The following DLG2 variants were observed in gnomAD, a reference collection of about 807,000 sequenced individuals.
DLG2 encodes the protein discs large MAGUK scaffold protein 2.
DLG2 carries 45 observed loss-of-function variants against 132.5 expected under a neutral mutation model. The ratio of observed to expected loss-of-function variants is 0.34; its 90% CI spans 0.27 to 0.44. DLG2 has a LOEUF of 0.44. Ranked by LOEUF, DLG2 falls within the 20% of genes least tolerant of loss-of-function variation. The pLI is 1.00. For synonymous variants in DLG2, 424 were observed against 419.6 expected (o/e 1.01, Z -0.13); for missense variants, 1,045 against 1,196.9 (o/e 0.87, Z 1.87).
intron 21 of DLG2, among the ~76,000 whole-genome samples, chr11:83,491,200 C>T (rs559301723): frequency 6.7e-6 from 1 of 149,634 alleles, no homozygotes; most frequent in South Asian, 2.1e-4. Flanking sequence ...AAAACAATTC[C>T]AACTCGCATG....
intron 3 of DLG2, among the ~76,000 whole-genome samples, chr11:85,371,818 C>T (rs1355236794): frequency 6.6e-6 from 1 of 152,182 alleles, no homozygotes; most frequent in East Asian, 1.9e-4. Context: ...ATCCGTGATT[C>T]CTTGTGGTAC....
chr11:84,204,687 C>T (rs562153356), intron 8 of DLG2, among the ~76,000 whole-genome samples: 1 of 152,064 alleles, frequency 6.6e-6, no homozygotes, highest in African/African-American at 2.4e-5. Flanking sequence ...CAATGCTTGC[C>T]ATTGATATAC....
chr11:83,634,343 T>C (rs1250092504), intron 18 of DLG2, among the ~76,000 whole-genome samples: 7 of 152,190 alleles, frequency 4.6e-5, no homozygotes, highest in East Asian at 1.9e-4. Flanking sequence ...AAGGTACTTA[T>C]TAACACAATG....
intron 6 of DLG2, among the ~76,000 whole-genome samples, chr11:84,600,155 A>AGAAG (rs1211290417): frequency 3.4e-5 from 3 of 87,374 alleles, no homozygotes; most frequent in South Asian, 4.2e-4. Context: ...AAAGAAAGAA[A>AGAAG]GAAGGAAAGA....
At chr11:84,492,923 T>G (rs2099169095) in intron 7 of DLG2, among the ~76,000 whole-genome samples, 1 of 152,128 alleles carries the variant, frequency 6.6e-6, no homozygotes, top group African/African-American at 2.4e-5. Flanking sequence ...GGCATGCTTA[T>G]ATAATAATAT....
At chr11:84,916,280 C>T (rs1319124629) in intron 6 of DLG2, among the ~76,000 whole-genome samples, 2 of 122,228 alleles carry the variant, frequency 1.6e-5, no homozygotes, top group African/African-American at 6.2e-5. Flanking sequence ...ACCCGGGAGG[C>T]GGAGCATGCA....
rs1054275757 is a variant in DLG2 at position 84,514,255 on chromosome 11, A to T, written c.519+20315T>A. Among the ~76,000 whole-genome samples the T allele has an allele frequency of 3.6e-4, 54 of 149,632 alleles. 1 individual carries two copies. The highest frequency in any genetic ancestry group is 9.2e-4 in the Admixed American group (14 of 15,156). On this transcript the variant is annotated intron_variant, in intron 7 of 27. Transcript: ENST00000376104. ...TAAACTGCTGTTGGGAATGTAAATT[A>T]GTACAACCACTATGGAGAGCAGTTT...
chr11:84,923,804 T>C, intron 6 of DLG2, among the ~76,000 whole-genome samples: 1 of 152,268 alleles, frequency 6.6e-6, no homozygotes, highest in East Asian at 1.9e-4. Flanking sequence ...GATCTGTGGT[T>C]AAAGGACTGA....
intron 18 of DLG2, among the ~76,000 whole-genome samples, chr11:83,642,071 G>A (rs2066728041): frequency 1.3e-5 from 2 of 152,152 alleles, no homozygotes; most frequent in Non-Finnish European, 2.9e-5. Flanking sequence ...GAGGATGTAT[G>A]CACCTATCTC....
intron 2 of DLG2, among the ~76,000 whole-genome samples, chr11:85,610,308 C>A (rs887632339): frequency 5.0e-4 from 76 of 152,354 alleles, no homozygotes; most frequent in African/African-American, 1.7e-3. Flanking sequence ...GAGACTAGTG[C>A]AAGATCTTGG....
intron 6 of DLG2, among the ~76,000 whole-genome samples, chr11:84,919,930 G>C (rs1269446133): frequency 6.6e-6 from 1 of 152,162 alleles, no homozygotes; most frequent in East Asian, 1.9e-4. Context: ...AAACTAAATT[G>C]TATTTTGTAA....
intron 3 of DLG2, among the ~76,000 whole-genome samples, chr11:85,429,541 G>A (rs1008384087): frequency 6.6e-6 from 1 of 152,068 alleles, no homozygotes; most frequent in African/African-American, 2.4e-5. Context: ...CCAAAAAGTG[G>A]GCAAAGCATT....
chr11:84,992,021 A>G (rs2057172870), intron 6 of DLG2, among the ~76,000 whole-genome samples: 1 of 152,042 alleles, frequency 6.6e-6, no homozygotes. Flanking sequence ...CTAAGTTTTA[A>G]ATCCATTTTT....
intron 7 of DLG2, among the ~76,000 whole-genome samples, chr11:84,310,117 C>A (rs1487393002): frequency 2.6e-5 from 4 of 152,138 alleles, no homozygotes; most frequent in African/African-American, 9.7e-5. Context: ...TGCCAGTACT[C>A]CCAACCATGT....
chr11:85,460,293 T>C (rs1363555872), intron 3 of DLG2, among the ~76,000 whole-genome samples: 1 of 152,232 alleles, frequency 6.6e-6, no homozygotes, highest in African/African-American at 2.4e-5. Context: ...CAGGATTCCA[T>C]GTGTGCCTGG....
chr11:84,007,314 C>G (rs760618474), intron 11 of DLG2, among the ~76,000 whole-genome samples: 2 of 151,784 alleles, frequency 1.3e-5, no homozygotes, highest in African/African-American at 2.4e-5. Flanking sequence ...CACTGGGTAA[C>G]AGATGCTCCC....
chr11:83,936,946 G>C (rs941186165), intron 14 of DLG2, among the ~76,000 whole-genome samples: 7 of 152,158 alleles, frequency 4.6e-5, no homozygotes, highest in Non-Finnish European at 1.0e-4. Flanking sequence ...TCAATATTAT[G>C]GCCAGATCAA....
intron 17 of DLG2, among the ~76,000 whole-genome samples, chr11:83,827,820 G>T (rs961815158): frequency 1.3e-5 from 2 of 152,174 alleles, no homozygotes; most frequent in Non-Finnish European, 2.9e-5. Context: ...GGAGGCGACT[G>T]CACTAGTTAA....
At chr11:85,302,817 C>A (rs2079681897) in intron 3 of DLG2, among the ~76,000 whole-genome samples, 1 of 151,854 alleles carries the variant, frequency 6.6e-6, no homozygotes, top group Non-Finnish European at 1.5e-5. Context: ...ACAACAATAA[C>A]AAGAACAATC....
Sources: allele counts gnomAD v4.1 joint callset (sites outside exome capture counted in the v4.1 genomes callset), GRCh38; gene constraint gnomAD v4.1.1; transcripts MANE v1.5; gene names NCBI Gene and HGNC (gene_info 2026-07-23, HGNC 2026-07-21).